Variants in ZFP64 observed in about 807,000 individuals in gnomAD.
The protein encoded by ZFP64 is ZFP64 zinc finger protein, also known as zinc finger protein 64.
ZFP64 carries 14 observed loss-of-function variants against 51.6 expected under a neutral mutation model. The ratio of observed to expected loss-of-function variants is 0.27; its 90% CI spans 0.18 to 0.42. The LOEUF (loss-of-function observed/expected upper bound fraction) is 0.42, where lower values mean the gene tolerates loss of function less well. Among genes scored for constraint, ZFP64 ranks in the 10% least tolerant of loss-of-function variants. ZFP64 has a pLI of 1.00. For synonymous variants in ZFP64, 375 were observed against 361.4 expected, an observed-to-expected ratio of 1.04 and a Z score of -0.43; for missense variants, 754 against 906.8, an observed-to-expected ratio of 0.83 and a Z score of 2.16.
chr20:52,178,396 A>T (rs1207873722), intron 2 of ZFP64, among the ~76,000 whole-genome samples: 2 of 152,170 alleles, frequency 1.3e-5, no homozygotes, highest in African/African-American at 4.8e-5. Context: ...TGGGGATAAT[A>T]ATTATTATTA....
At position 52,153,579 on chromosome 20, in the gene ZFP64, AG is replaced by A; in HGVS notation, c.764-152del. The A allele has an allele frequency of 8.0e-7, 1 of 1,244,574 alleles. No homozygotes were observed. The highest frequency in any genetic ancestry group is 1.1e-6 in the Non-Finnish European group (1 of 931,378). The allele number at this position is 1,244,574 out of a possible 1,614,324, so 77.1% of individuals were successfully genotyped here. ...TAGCAGCCCCTGGCAGTGGGGGAAG[AG>A]GGGCAGGGCGTCTTTATCTTTCCCC... On this transcript the variant is annotated intron_variant, in intron 5 of 5. Coordinates refer to ENST00000216923, the MANE Select transcript of ZFP64 (RefSeq NM_018197.3). This position sits in a 1 kb window ranked among gnomAD's most constrained non-coding sequence, Gnocchi z 5.1.
rs764479982 is a variant in ZFP64 at position 52,151,997 on chromosome 20, A to G, written c.*149T>C. ...CGTTGCAGTGAGCCAAGATAGCGCC[A>G]CTGCACTCCAGCCTGGGAAACAGAG... On this transcript the variant is annotated 3_prime_UTR_variant, in exon 6 of 6. Coordinates refer to ENST00000216923, the MANE Select transcript of ZFP64 (RefSeq NM_018197.3). The G allele has an allele frequency of 1.4e-6, 2 of 1,421,618 alleles. No individual in the cohort carries two copies. Among genetic ancestry groups the G allele is most frequent in the Non-Finnish European group, 1.8e-6 (2 of 1,086,610 alleles). The allele number at this position is 1,421,618 out of a possible 1,614,324, so 88.1% of individuals were successfully genotyped here.
Position 52,191,533 on chromosome 20 carries a change from G to A in ZFP64, c.46+58C>T. On this transcript the variant is annotated intron_variant, in intron 1 of 5. Coordinates refer to ENST00000216923, the MANE Select transcript of ZFP64 (RefSeq NM_018197.3). This position sits in a 1 kb window ranked among gnomAD's most constrained non-coding sequence, Gnocchi z 4.3. ...CTGCGTCGCAGACGTGCTTGGGCCCGGGCCCCGGAGCGCGCACTGGGCCCC... is the reference window on the plus strand; with the variant it reads ...CTGCGTCGCAGACGTGCTTGGGCCCAGGCCCCGGAGCGCGCACTGGGCCCC... The A allele has an allele frequency of 1.3e-6, 2 of 1,489,306 alleles. No homozygotes were observed. Among genetic ancestry groups the A allele is most frequent in the Non-Finnish European group, 8.9e-7 (1 of 1,121,274 alleles). 92.3% of individuals were successfully genotyped at this position (1,489,306 alleles called of 1,614,324 possible).
In ZFP64 at chr20:52,102,107, CAAA is replaced by C. The variant is rs34646115; in HGVS notation, c.764-3523_764-3521del. 4.9e-4 allele frequency among the ~76,000 whole-genome samples: 31 copies of C among 63,412 alleles called. 2 individuals carry two copies. Among genetic ancestry groups the C allele is most frequent in the Non-Finnish European group, 8.0e-4 (26 of 32,676 alleles). The allele number at this position is 63,412 out of a possible 152,430, so 41.6% of individuals were successfully genotyped here. The stretch of plus-strand genomic sequence containing the variant: ...AGCCTGGTGAGAGTAACTCCATCTC[CAAA>C]AAAAAAAAAAAAAAAGGCAGCAGTC... On this transcript the variant is annotated intron_variant, in intron 5 of 8. Transcript: ENST00000361387.
intron 2 of ZFP64, among the ~76,000 whole-genome samples, chr20:52,170,322 C>T (rs577457638): frequency 4.6e-5 from 7 of 150,960 alleles, no homozygotes; most frequent in Non-Finnish European, 8.9e-5. Context: ...CGTGGTGGTG[C>T]GCACCTGTAG....
At chr20:52,115,197 C>CAAAA (rs11484315) in intron 5 of ZFP64, among the ~76,000 whole-genome samples, 1,138 of 89,976 alleles carry the variant, frequency 0.013, 35 homozygotes, top group African/African-American at 0.051. Flanking sequence ...GAGTGAGTCT[C>CAAAA]AAAAAAAAAA....
rs907144700 is a variant in ZFP64, at chr20:52,099,147, G to A, written c.764-560C>T. ...GCAAAATCTAAACTAAAAAACATAT[G>A]AGTACTTCTTAAATGGCATGAAGAC... On this transcript the variant is annotated intron_variant, in intron 5 of 8. Transcript: ENST00000361387. Among the ~76,000 whole-genome samples the A allele has an allele frequency of 3.9e-5, 6 of 151,978 alleles. No homozygotes were observed. In the East Asian group the frequency reaches 5.8e-4, roughly 15 times the overall value.
At chr20:52,096,936 C>T (rs765782492) in intron 7 of ZFP64, 7 of 433,318 alleles carry the variant, frequency 1.6e-5, no homozygotes, top group South Asian at 5.3e-5. Context: ...TTTGTGCACC[C>T]TACAGTCCCT....
chr20:52,153,560 C>A lies in ZFP64; in HGVS notation c.764-132G>T. ...ACCTCCTAACTGCAGCTTCTAGCAG[C>A]CCCTGGCAGTGGGGGAAGAGGGGCA... On this transcript the variant is annotated intron_variant, in intron 5 of 5. Coordinates refer to ENST00000216923, the MANE Select transcript of ZFP64 (RefSeq NM_018197.3). This position sits in a 1 kb window ranked among gnomAD's most constrained non-coding sequence, Gnocchi z 5.1. The A allele has an allele frequency of 1.5e-6, 2 of 1,351,818 alleles. No homozygotes were observed. Among genetic ancestry groups the A allele is most frequent in the South Asian group, 1.7e-5 (1 of 60,078 alleles). 83.7% of individuals were successfully genotyped at this position (1,351,818 alleles called of 1,614,324 possible).
intron 1 of ZFP64, among the ~76,000 whole-genome samples, chr20:52,187,394 G>A (rs575827503): frequency 6.6e-6 from 1 of 152,220 alleles, no homozygotes; most frequent in African/African-American, 2.4e-5. Flanking sequence ...GGCTGAGGCG[G>A]GCGGATCACC....
intron 7 of ZFP64, chr20:52,088,673 G>A: frequency 1.2e-6 from 2 of 1,612,084 alleles, no homozygotes; most frequent in South Asian, 2.2e-5. Flanking sequence ...CAAAGTTAAA[G>A]GTTTTTTGGT....
intron 5 of ZFP64, among the ~76,000 whole-genome samples, chr20:52,158,003 C>A (rs1488376157): frequency 6.6e-6 from 1 of 152,186 alleles, no homozygotes; most frequent in African/African-American, 2.4e-5. Context: ...ATGAACTCAA[C>A]CTTTTTTATG....
chr20:52,153,253 A>C lies in ZFP64; in HGVS notation c.939T>G (p.Asn313Lys), dbSNP rs1301645843. 2 of 1,614,080 alleles carry C rather than the reference A, an allele frequency of 1.2e-6. No individual in the cohort carries two copies. The highest frequency in any genetic ancestry group is 1.7e-6 in the Non-Finnish European group (2 of 1,180,052). Reference protein sequence around the residue: ...KSHIRIKHSGNNFKCPHCDFL... With the variant: ...KSHIRIKHSGKNFKCPHCDFL... The stretch of plus-strand genomic sequence containing the variant: ...AGTCGCAATGAGGACACTTGAAGTT[A>C]TTCCCGCTGTGCTTGATACGGATGT... Residue 313 changes from asparagine (N) to lysine (K), a missense_variant, in exon 6 of 6, where the codon AAT (asparagine) becomes AAG (lysine). This residue lies in a region of ZFP64 where 231 missense variants were observed against 336.7 expected (regional missense o/e 0.69). Transcript: ENST00000216923. The surrounding 1 kb of genome is among the most constrained non-coding windows in gnomAD (Gnocchi z 5.1).
intron 3 of ZFP64, chr20:52,165,482 T>C (rs1388310785): frequency 6.4e-6 from 3 of 466,584 alleles, no homozygotes; most frequent in Non-Finnish European, 1.3e-5. Context: ...ATACAGGGAT[T>C]TTTTTGGTAC....
intron 2 of ZFP64, among the ~76,000 whole-genome samples, chr20:52,173,225 T>G (rs1982898781): frequency 6.6e-6 from 1 of 152,200 alleles, no homozygotes; most frequent in Non-Finnish European, 1.5e-5. Flanking sequence ...AATGACAATG[T>G]TTATTTTTGC....
At chr20:52,186,366 GTTTT>G (rs1983962138) in intron 2 of ZFP64, among the ~76,000 whole-genome samples, 1 of 151,432 alleles carries the variant, frequency 6.6e-6, no homozygotes, top group Non-Finnish European at 1.5e-5. Flanking sequence ...GAACAGGGAT[GTTTT>G]CCTGATCAGC....
chr20:52,169,133 T>A (rs889098835), intron 2 of ZFP64, among the ~76,000 whole-genome samples: 2 of 152,238 alleles, frequency 1.3e-5, no homozygotes, highest in African/African-American at 4.8e-5. Flanking sequence ...ACAATCACCA[T>A]GCCCACTTCA....
intron 2 of ZFP64, among the ~76,000 whole-genome samples, chr20:52,182,995 T>C (rs537391731): frequency 6.8e-4 from 103 of 152,206 alleles, no homozygotes; most frequent in African/African-American, 2.0e-3. Context: ...GGAAGGGGTC[T>C]TTGAGAAAAT....
chr20:52,130,954 TAC>T (rs1979694187), intron 5 of ZFP64, among the ~76,000 whole-genome samples: 2 of 151,886 alleles, frequency 1.3e-5, no homozygotes, highest in Non-Finnish European at 2.9e-5. Context: ...TAGTCCCAGC[TAC>T]TCAGGAGGCT....
Sources: gnomAD v4.1 joint callset for allele counts (sites outside exome capture counted in the v4.1 genomes callset) on GRCh38, gnomAD v4.1.1 for gene constraint, gnomAD v4.1.1 regional missense constraint, Gnocchi (gnomAD v3.1) non-coding constraint, MANE v1.5 for transcripts, NCBI Gene and HGNC (gene_info 2026-07-23, HGNC 2026-07-21) for gene names.